ISOC2: variants seen among roughly 807,000 people sequenced by gnomAD.
ISOC2 encodes the protein isochorismatase domain-containing protein 2.
ISOC2 carries 15 observed loss-of-function variants against 19.3 expected under a neutral mutation model. The ratio of observed to expected loss-of-function variants is 0.78; its 90% CI spans 0.52 to 1.20. The LOEUF is 1.20. ISOC2 is among the 50% of genes most tolerant of loss of function. The probability of loss-of-function intolerance (pLI) is 0.00; values close to 1 mark genes in which losing one functional copy is unlikely to be tolerated. For missense variants in ISOC2, 285 were observed against 272.4 expected (o/e 1.05, Z -0.33); for synonymous variants, 106 against 115.8 (o/e 0.92, Z 0.54).
chr19:55,453,352 C>G lies in ISOC2; in HGVS notation c.574G>C (p.Gly192Arg). ...KLIKEPAPDS[G>R]LLGLFQGQNS... is the part of the protein sequence containing the mutation. Reference sequence around the variant, plus strand: ...TGGCCTTGGAAGAGGCCCAGCAGTCCGCTGTCTGGGGCGGGCTCCTTGATG... The same window carrying G: ...TGGCCTTGGAAGAGGCCCAGCAGTCGGCTGTCTGGGGCGGGCTCCTTGATG... Residue 192 changes from glycine (G) to arginine (R), a missense_variant, in exon 6 of 6, where the codon GGA (glycine) becomes CGA (arginine). Physicochemically the swap from Gly to Arg is moderately radical, Grantham distance 125. Coordinates refer to ENST00000425675, the MANE Select transcript of ISOC2 (RefSeq NM_001136201.2). 6.2e-7 allele frequency: 1 copy of G among 1,607,832 alleles called. No homozygotes were observed. The highest frequency in any genetic ancestry group is 8.5e-7 in the Non-Finnish European group (1 of 1,177,300).
intron 1 of ISOC2, chr19:55,457,201 G>A (rs80183460): frequency 0.03 from 4,656 of 154,134 alleles, 68 homozygotes; most frequent in Middle Eastern, 0.036. Flanking sequence ...CGGAGCGTGC[G>A]ATCCCGTTTT....
At chr19:55,453,418 A>G in intron 5 of ISOC2, 30 bp from the exon 6 acceptor site, 2 of 1,527,778 alleles carry the variant, frequency 1.3e-6, no homozygotes, top group Non-Finnish European at 1.8e-6. Context: ...TGGGTCAGGA[A>G]GCGTCTAGGG....
intron 3 of ISOC2, 146 bp from the exon 4 acceptor site, chr19:55,455,476 G>T (rs1238017592): frequency 1.4e-5 from 17 of 1,194,906 alleles, no homozygotes; most frequent in Non-Finnish European, 1.8e-5. Context: ...GTCAGGAGGG[G>T]ATCCAAGATA....
In ISOC2 at chr19:55,455,077, CG is replaced by C; in HGVS notation, c.448del (p.Arg150AlafsTer2). 7.3e-7 allele frequency: 1 copy of C among 1,378,076 alleles called. No individual in the cohort carries two copies. The highest frequency in any genetic ancestry group is 9.7e-7 in the Non-Finnish European group (1 of 1,028,250). The allele number at this position is 1,378,076 out of a possible 1,614,324, so 85.4% of individuals were successfully genotyped here. On this transcript the variant is annotated frameshift_variant, in exon 5 of 6. Transcript: ENST00000425675. LOFTEE classifies it high-confidence loss of function. ...SQVDRLVALARMRQSGAFLST... is the reference protein window; with the variant it reads ...SQVDRLVALAXMRQSGAFLST... ...GAGGAAGGCACCACTCTGTCTCATG[CG>C]GGCCAGAGCCACCAGCCGGTCCACC...
intron 1 of ISOC2, among the ~76,000 whole-genome samples, chr19:55,460,664 C>T (rs1484972563): frequency 2.6e-5 from 4 of 152,330 alleles, no homozygotes; most frequent in Admixed American, 2.0e-4. Flanking sequence ...TCTTTGGATA[C>T]TTGTTTACAC....
At position 55,453,301 on chromosome 19, in the gene ISOC2, T is replaced by G. The variant is rs1314268291; in HGVS notation, c.*7A>C. 2 of 1,600,188 alleles carry G rather than the reference T, an allele frequency of 1.2e-6. No homozygotes were observed. The highest frequency in any genetic ancestry group is 2.3e-5 in the East Asian group (1 of 44,158). On this transcript the variant is annotated 3_prime_UTR_variant, in exon 6 of 6. Transcript: ENST00000425675. Reference sequence around the variant, plus strand: ...AGGGTGGTCTTCCCTCAAGGCAGGGTTGGAGTTCAGTGGAGGAGGGAGTTC... The same window carrying G: ...AGGGTGGTCTTCCCTCAAGGCAGGGGTGGAGTTCAGTGGAGGAGGGAGTTC...
chr19:55,454,774 G>GCCC (rs36072109), intron 5 of ISOC2: 22 of 575,748 alleles, frequency 3.8e-5, no homozygotes, highest in African/African-American at 3.2e-4. Context: ...CCTCTGGATT[G>GCCC]CCTCCCCCAT....
At position 55,456,009 on chromosome 19, in the gene ISOC2, G is replaced by A. The variant is rs962368243; in HGVS notation, c.139-164C>T. The A allele has an allele frequency of 4.3e-5, 24 of 563,596 alleles. 1 individual carries two copies. Among genetic ancestry groups the A allele is most frequent in the Non-Finnish European group, 5.0e-5 (16 of 321,500 alleles). The allele number at this position is 563,596 out of a possible 1,614,324, so 34.9% of individuals were successfully genotyped here. On this transcript the variant is annotated intron_variant, in intron 2 of 5. Coordinates refer to ENST00000425675, the MANE Select transcript of ISOC2 (RefSeq NM_001136201.2). ...TGTGAGGGAGGAGGGGCTATGCCTG[G>A]ACTCCTGAGTCTGAGGGAGGAGGAG...
intron 1 of ISOC2, among the ~76,000 whole-genome samples, chr19:55,458,018 C>T (rs1473634400): frequency 6.9e-6 from 1 of 145,878 alleles, no homozygotes; most frequent in Admixed American, 6.9e-5. Flanking sequence ...TTTCAAATGG[C>T]TGAAAGGGTA....
chr19:55,453,090 T>C lies in ISOC2; in HGVS notation c.*218A>G, dbSNP rs1346846834. The C allele has an allele frequency of 2.0e-6, 1 of 493,236 alleles. No homozygotes were observed. Among genetic ancestry groups the C allele is most frequent in the Non-Finnish European group, 3.6e-6 (1 of 278,408 alleles). 30.6% of individuals were successfully genotyped at this position (493,236 alleles called of 1,614,324 possible). A position where few individuals can be genotyped will look rare whatever the true frequency, so the allele number is the denominator to read the frequency against. ...AAGTGGCCCGGGGCCGAGCCCCGCC[T>C]CCATCTTGGCTCAGCCAATTCCCAC... On this transcript the variant is annotated 3_prime_UTR_variant, in exon 6 of 6. Transcript: ENST00000425675.
In ISOC2 at chr19:55,455,782, T is replaced by C; in HGVS notation, c.202A>G (p.Thr68Ala). 2.5e-6 allele frequency: 4 copies of C among 1,569,738 alleles called. No homozygotes were observed. The highest frequency in any genetic ancestry group is 3.5e-6 in the Non-Finnish European group (4 of 1,157,458). The change falls in exon 3 of 6, where the codon ACG becomes GCG. Residue 68 changes from threonine to alanine, a missense_variant. Coordinates refer to ENST00000425675, the MANE Select transcript of ISOC2 (RefSeq NM_001136201.2). ...CCCTCAGTCCCCAGCTCGGGCACCG[T>C]GGGGCCCAGGCCTTGTGGGTACTGC... ...TEQYPQGLGP[T>A]VPELGTEGLR...
Position 55,453,227 on chromosome 19 carries a change from G to T in ISOC2, c.*81C>A. ...CTCCTGGTGGATCGCACCACTCTTG[G>T]GATCCAGGGATGGGGGGAACGGGCT... On this transcript the variant is annotated 3_prime_UTR_variant, in exon 6 of 6. Coordinates refer to ENST00000425675, the MANE Select transcript of ISOC2 (RefSeq NM_001136201.2). 1 of 1,024,462 alleles carries T rather than the reference G, an allele frequency of 9.8e-7. No individual in the cohort carries two copies. Among genetic ancestry groups the T allele is most frequent in the Non-Finnish European group, 1.4e-6 (1 of 702,690 alleles). 63.5% of individuals were successfully genotyped at this position (1,024,462 alleles called of 1,614,324 possible). A position where few individuals can be genotyped will look rare whatever the true frequency, so the allele number is the denominator to read the frequency against.
Position 55,453,238 on chromosome 19 carries a change from T to G in ISOC2, c.*70A>C. On this transcript the variant is annotated 3_prime_UTR_variant, in exon 6 of 6. Transcript: ENST00000425675. ...TCGCACCACTCTTGGGATCCAGGGA[T>G]GGGGGGAACGGGCTTCCACTGAGGT... is the stretch of plus-strand genomic sequence containing the variant. The G allele has an allele frequency of 4.0e-5, 44 of 1,102,174 alleles. No individual in the cohort carries two copies. The highest frequency in any genetic ancestry group is 4.8e-5 in the Non-Finnish European group (37 of 763,450). 68.3% of individuals were successfully genotyped at this position (1,102,174 alleles called of 1,614,324 possible).
In ISOC2 at chr19:55,456,808, T is replaced by TCCCGGTTACCATCCGC. The variant is rs577956994; in HGVS notation, c.-3-335_-3-320dup. Among the ~76,000 whole-genome samples, 8 of 152,240 alleles carry TCCCGGTTACCATCCGC rather than the reference T, an allele frequency of 5.3e-5. No homozygotes were observed. The South Asian group carries it at 1.2e-3, about 24-fold the overall frequency. On this transcript the variant is annotated intron_variant, in intron 1 of 5. Coordinates refer to ENST00000425675, the MANE Select transcript of ISOC2 (RefSeq NM_001136201.2). ...CACAACGTCAAGGAGTGCTTCATGATCCCGGTTACCATCCGCCCCGGTTAC... is the reference window on the plus strand; with the variant it reads ...CACAACGTCAAGGAGTGCTTCATGATCCCGGTTACCATCCGCCCCGGTTACCATCCGCCCCGGTTAC...
chr19:55,458,936 T>G (rs1986153808), intron 1 of ISOC2, among the ~76,000 whole-genome samples: 1 of 151,962 alleles, frequency 6.6e-6, no homozygotes, highest in African/African-American at 2.4e-5. Flanking sequence ...CTCCCTGTAC[T>G]ATTTTTTCTT....
Position 55,455,729 on chromosome 19 carries a change from G to T in ISOC2, c.255C>A (p.Phe85Leu). The change falls in exon 3 of 6, where the codon TTC (phenylalanine) becomes TTA (leucine). Residue 85 changes from phenylalanine to leucine, a missense_variant. Transcript: ENST00000425675. ...CCTGCTGCAGGGCAGGCACCATGCT[G>T]AAGCAGGTCTTGGCCAGCGGCCGAA... The part of the protein sequence containing the change: ...EGLRPLAKTC[F>L]SMVPALQQEL... The T allele has an allele frequency of 1.2e-6, 2 of 1,609,518 alleles. No homozygotes were observed. Among genetic ancestry groups the T allele is most frequent in the Non-Finnish European group, 1.7e-6 (2 of 1,178,596 alleles).
At position 55,455,171 on chromosome 19, in the gene ISOC2, A is replaced by G. The variant is rs1275428208; in HGVS notation, c.420-65T>C. 5.7e-6 allele frequency: 9 copies of G among 1,572,564 alleles called. No individual in the cohort carries two copies. The East Asian group carries it at 6.8e-5, about 12-fold the overall frequency. ...CCGCAGTCTGGACACCCAGACACGC[A>G]GGCACCCTGGTGGGAATGCCGCCTG... On this transcript the variant is annotated intron_variant, in intron 4 of 5. Coordinates refer to ENST00000425675, the MANE Select transcript of ISOC2 (RefSeq NM_001136201.2).
intron 1 of ISOC2, among the ~76,000 whole-genome samples, chr19:55,456,904 C>T (rs1237859641): frequency 1.3e-5 from 2 of 152,136 alleles, no homozygotes; most frequent in Non-Finnish European, 2.9e-5. Flanking sequence ...TTACCATCCA[C>T]CCCAGTCACC....
chr19:55,460,590 G>C (rs1047829393), intron 1 of ISOC2, among the ~76,000 whole-genome samples: 13 of 152,230 alleles, frequency 8.5e-5, no homozygotes, highest in Admixed American at 8.5e-4. Flanking sequence ...GACTGCCCTT[G>C]GACCACAGTG....
Sources: gnomAD v4.1 joint callset for allele counts (sites outside exome capture counted in the v4.1 genomes callset) on GRCh38, gnomAD v4.1.1 for gene constraint, MANE v1.5 for transcripts, NCBI Gene and HGNC (gene_info 2026-07-23, HGNC 2026-07-21) for gene names.